Variants in TBX20 observed in about 807,000 individuals in gnomAD.
TBX20 encodes the protein T-box transcription factor TBX20.
TBX20 carries 8 observed loss-of-function variants against 42.9 expected under a neutral mutation model. That is an observed-to-expected ratio of 0.19 (90% CI 0.11 to 0.34). The LOEUF (loss-of-function observed/expected upper bound fraction) is 0.34. TBX20 is among the 10% of genes least tolerant of loss of function. The pLI, the probability that TBX20 is intolerant of heterozygous loss-of-function variation, is 1.00. For missense variants in TBX20, 411 were observed against 566.0 expected, an observed-to-expected ratio of 0.73 and a Z score of 2.78; for synonymous variants, 198 against 222.8, an observed-to-expected ratio of 0.89 and a Z score of 0.99.
chr7:35,226,068 A>C (rs186185069), intron 6 of TBX20, among the ~76,000 whole-genome samples: 4 of 152,144 alleles, frequency 2.6e-5, no homozygotes, highest in African/African-American at 9.6e-5. Context: ...GGCCACTTGT[A>C]AAAAATATAA....
chr7:35,218,191 A>G (rs1584344575), intron 6 of TBX20, among the ~76,000 whole-genome samples: 1 of 152,360 alleles, frequency 6.6e-6, no homozygotes, highest in African/African-American at 2.4e-5. Flanking sequence ...TCCATAAAGT[A>G]AAGAACTTCT....
rs1157757458 is a variant in TBX20 at position 35,253,477 on chromosome 7, C to G, written c.127+17G>C. 17 of 1,605,806 alleles carry G rather than the reference C, an allele frequency of 1.1e-5. No individual in the cohort carries two copies. Among genetic ancestry groups the G allele is most frequent in the Non-Finnish European group, 1.4e-5 (17 of 1,176,630 alleles). On this transcript the variant is annotated intron_variant, in intron 1 of 7. Coordinates refer to ENST00000408931, the MANE Select transcript of TBX20 (RefSeq NM_001077653.2). Reference sequence around the variant, plus strand: ...GCATCCCCAGTCCTCGGCGGACAGCCGGGTAGCCCAACTTACCCAGGGGTT... The same window carrying G: ...GCATCCCCAGTCCTCGGCGGACAGCGGGGTAGCCCAACTTACCCAGGGGTT...
intron 6 of TBX20, among the ~76,000 whole-genome samples, chr7:35,215,235 G>A (rs1379634230): frequency 6.6e-6 from 1 of 152,208 alleles, no homozygotes; most frequent in Non-Finnish European, 1.5e-5. Context: ...GTTAGGCCTG[G>A]AAGTGAACTG....
At chr7:35,227,374 C>T (rs1789791047) in intron 6 of TBX20, among the ~76,000 whole-genome samples, 1 of 152,104 alleles carries the variant, frequency 6.6e-6, no homozygotes, top group Non-Finnish European at 1.5e-5. Context: ...TCACTGACCG[C>T]TCACCCAGAG....
chr7:35,231,987 T>C (rs1481722518), intron 5 of TBX20, among the ~76,000 whole-genome samples: 1 of 152,204 alleles, frequency 6.6e-6, no homozygotes, highest in African/African-American at 2.4e-5. Flanking sequence ...AAAGTAAGAA[T>C]GCATCTGACT....
In TBX20 at chr7:35,253,887, G is replaced by A. The variant is rs1003573128; in HGVS notation, c.-267C>T. 2 of 475,992 alleles carry A rather than the reference G, an allele frequency of 4.2e-6. No homozygotes were observed. The highest frequency in any genetic ancestry group is 3.9e-5 in the African/African-American group (2 of 50,788). 29.5% of individuals were successfully genotyped at this position (475,992 alleles called of 1,614,324 possible). Reference sequence around the variant, plus strand: ...GCACTACGGCGGGTGCGCACGCCCCGGGGCGCTCGGCAGGACGACAGTCTG... The same window carrying A: ...GCACTACGGCGGGTGCGCACGCCCCAGGGCGCTCGGCAGGACGACAGTCTG... On this transcript the variant is annotated 5_prime_UTR_variant, in exon 1 of 8. Transcript: ENST00000408931.
chr7:35,205,521 AG>A (rs1034109756), intron 6 of TBX20, among the ~76,000 whole-genome samples: 1 of 152,242 alleles, frequency 6.6e-6, no homozygotes, highest in African/African-American at 2.4e-5. Flanking sequence ...GTGTTAAATG[AG>A]GAAGGACAAC....
intron 3 of TBX20, among the ~76,000 whole-genome samples, chr7:35,245,724 C>T (rs1412971951): frequency 6.6e-6 from 1 of 152,190 alleles, no homozygotes; most frequent in East Asian, 1.9e-4. Context: ...AAGCTAGACA[C>T]ACTTCACATT....
At chr7:35,208,078 TTC>T (rs1789429607) in intron 6 of TBX20, among the ~76,000 whole-genome samples, 1 of 152,008 alleles carries the variant, frequency 6.6e-6, no homozygotes, top group African/African-American at 2.4e-5. Flanking sequence ...CAGTACATCC[TTC>T]TGTTTCATTA....
chr7:35,226,731 CAACAT>C (rs1362680406), intron 6 of TBX20, among the ~76,000 whole-genome samples: 1 of 152,060 alleles, frequency 6.6e-6, no homozygotes, highest in African/African-American at 2.4e-5. Context: ...TGCAGCAACA[CAACAT>C]GTTACTCACG....
chr7:35,251,553 G>A (rs529504288), intron 1 of TBX20, among the ~76,000 whole-genome samples: 1 of 152,258 alleles, frequency 6.6e-6, no homozygotes, highest in African/African-American at 2.4e-5. Context: ...AATGTCTTCG[G>A]AGGGAATTAA....
At chr7:35,248,546 T>G in intron 3 of TBX20, 131 bp downstream of exon 3, 1 of 981,096 alleles carries the variant, frequency 1.0e-6, no homozygotes, top group Non-Finnish European at 1.6e-6. Flanking sequence ...TCCTGGAGTG[T>G]CCAGGCTTGG....
intron 6 of TBX20, among the ~76,000 whole-genome samples, chr7:35,211,540 A>C (rs1400600211): frequency 2.0e-5 from 3 of 152,216 alleles, no homozygotes; most frequent in African/African-American, 7.2e-5. Flanking sequence ...CTTTCAGTAC[A>C]GATGATCCCC....
chr7:35,224,766 A>C (rs917966280), intron 6 of TBX20, among the ~76,000 whole-genome samples: 2 of 152,238 alleles, frequency 1.3e-5, no homozygotes, highest in African/African-American at 4.8e-5. Flanking sequence ...TAAAAAAGGA[A>C]ATAATATCAA....
At chr7:35,212,961 C>T (rs1267999490) in intron 6 of TBX20, among the ~76,000 whole-genome samples, 1 of 152,126 alleles carries the variant, frequency 6.6e-6, no homozygotes, top group East Asian at 1.9e-4. Flanking sequence ...TATTGTCTGT[C>T]CTATGAATTC....
rs1192870439 is a variant in TBX20, at chr7:35,228,425, G to A, written c.890+3079C>T. ...GAAAGTATCTGAAAGAATATATAAT[G>A]GGGTTTTGCCAGAGGTCATCTCTAA... On this transcript the variant is annotated intron_variant, in intron 6 of 7. Transcript: ENST00000408931. Among the ~76,000 whole-genome samples the A allele has an allele frequency of 3.9e-5, 6 of 152,096 alleles. No individual in the cohort carries two copies. In the East Asian group the frequency reaches 1.2e-3, roughly 29 times the overall value.
At chr7:35,208,385 A>G (rs574265021) in intron 6 of TBX20, among the ~76,000 whole-genome samples, 2 of 152,118 alleles carry the variant, frequency 1.3e-5, no homozygotes, top group African/African-American at 2.4e-5. Flanking sequence ...TTCAATCACA[A>G]TGACTTTGAT....
At chr7:35,247,165 CAAA>C (rs757916672) in intron 3 of TBX20, among the ~76,000 whole-genome samples, 3 of 79,620 alleles carry the variant, frequency 3.8e-5, no homozygotes, top group Admixed American at 1.4e-4. Flanking sequence ...GACTGGAGGG[CAAA>C]AAAAAAAAAA....
chr7:35,236,938 C>CT (rs56245405), intron 5 of TBX20, among the ~76,000 whole-genome samples: 152,268 of 152,270 alleles, frequency 1, 76,133 homozygotes, highest in Middle Eastern at 1. Context: ...AGAAATAAAC[C>CT]TTGCCAAAGG....
Sources: allele counts gnomAD v4.1 joint callset (sites outside exome capture counted in the v4.1 genomes callset), GRCh38; gene constraint gnomAD v4.1.1; transcripts MANE v1.5; gene names NCBI Gene and HGNC (gene_info 2026-07-23, HGNC 2026-07-21).